The following ZFYVE9 variants were observed in gnomAD, a reference collection of about 807,000 sequenced individuals.
The protein encoded by ZFYVE9 is zinc finger FYVE domain-containing protein 9.
A neutral mutation model predicts 126.7 loss-of-function variants in ZFYVE9; 43 were observed. The ratio of observed to expected loss-of-function variants is 0.34; its 90% confidence interval spans 0.27 to 0.44. ZFYVE9 has a LOEUF of 0.44. Ranked by LOEUF, ZFYVE9 falls within the 20% of genes least tolerant of loss-of-function variation. The pLI, the probability that ZFYVE9 is intolerant of heterozygous loss-of-function variation, is 1.00. For missense variants in ZFYVE9, 1,476 were observed against 1,697.0 expected, an observed-to-expected ratio of 0.87 and a Z score of 2.29; for synonymous variants, 521 against 597.4, an observed-to-expected ratio of 0.87 and a Z score of 1.87.
At chr1:52,267,115 G>T (rs1361972948) in intron 6 of ZFYVE9, among the ~76,000 whole-genome samples, 1 of 152,132 alleles carries the variant, frequency 6.6e-6, no homozygotes, top group Admixed American at 6.5e-5. Context: ...AAAAAGAGGT[G>T]CAGAATTTGA....
chr1:52,155,237 T>TC (rs1286189605), intron 1 of ZFYVE9, among the ~76,000 whole-genome samples: 2 of 131,340 alleles, frequency 1.5e-5, no homozygotes, highest in African/African-American at 7.1e-5. Flanking sequence ...TTTTTTTCTT[T>TC]TTTTTTTTTT....
At chr1:52,223,935 T>C (rs1016165482) in intron 2 of ZFYVE9, among the ~76,000 whole-genome samples, 1 of 152,190 alleles carries the variant, frequency 6.6e-6, no homozygotes, top group Non-Finnish European at 1.5e-5. Flanking sequence ...AGGATAGACA[T>C]TAATTCAGCC....
intron 2 of ZFYVE9, among the ~76,000 whole-genome samples, chr1:52,220,102 T>A (rs771598197): frequency 1.6e-4 from 24 of 152,086 alleles, no homozygotes; most frequent in Non-Finnish European, 2.8e-4. Flanking sequence ...GAGGGGCAGT[T>A]TGGATTCTTA....
intron 10 of ZFYVE9, among the ~76,000 whole-genome samples, chr1:52,285,638 T>TATAG (rs1645851128): frequency 6.6e-6 from 1 of 152,194 alleles, no homozygotes; most frequent in African/African-American, 2.4e-5. Context: ...TGGGACAGTC[T>TATAG]AGTTGCAGGA....
At chr1:52,185,098 A>G (rs1014646239) in intron 1 of ZFYVE9, among the ~76,000 whole-genome samples, 1 of 152,198 alleles carries the variant, frequency 6.6e-6, no homozygotes, top group African/African-American at 2.4e-5. Flanking sequence ...CTGCCTCCGC[A>G]TTGCAGTACT....
intron 1 of ZFYVE9, among the ~76,000 whole-genome samples, chr1:52,186,142 AG>A (rs1644763030): frequency 6.6e-6 from 1 of 150,652 alleles, no homozygotes; most frequent in South Asian, 2.1e-4. Context: ...TGGGAGCCTG[AG>A]GCAGGAGAAT....
intron 8 of ZFYVE9, among the ~76,000 whole-genome samples, chr1:52,274,879 C>T (rs1645730417): frequency 6.6e-6 from 1 of 152,070 alleles, no homozygotes; most frequent in African/African-American, 2.4e-5. Flanking sequence ...TGAAGGATTG[C>T]TTGTGGTTTA....
At chr1:52,258,185 G>C (rs761016487) in intron 4 of ZFYVE9, among the ~76,000 whole-genome samples, 3 of 152,152 alleles carry the variant, frequency 2.0e-5, no homozygotes, top group Non-Finnish European at 4.4e-5. Flanking sequence ...GTGGGGAAAT[G>C]GAGAATAAGT....
intron 1 of ZFYVE9, among the ~76,000 whole-genome samples, chr1:52,154,658 G>A (rs1644385352): frequency 6.6e-6 from 1 of 152,060 alleles, no homozygotes. Context: ...CTCCTTAAAG[G>A]CCTCTAACCA....
At chr1:52,320,197 A>G (rs1646226216) in intron 13 of ZFYVE9, among the ~76,000 whole-genome samples, 1 of 151,692 alleles carries the variant, frequency 6.6e-6, no homozygotes, top group East Asian at 2.0e-4. Flanking sequence ...CATCCTCCCG[A>G]GTACCTGGGA....
intron 1 of ZFYVE9, among the ~76,000 whole-genome samples, chr1:52,187,134 A>G (rs1644772742): frequency 6.6e-6 from 1 of 152,186 alleles, no homozygotes; most frequent in African/African-American, 2.4e-5. Flanking sequence ...AACCAATGGA[A>G]CAGAATAGAG....
At chr1:52,182,539 T>C (rs1462309725) in intron 1 of ZFYVE9, among the ~76,000 whole-genome samples, 1 of 152,194 alleles carries the variant, frequency 6.6e-6, no homozygotes, top group African/African-American at 2.4e-5. Flanking sequence ...GTTAAACAGA[T>C]GCTTGAAGGC....
intron 13 of ZFYVE9, among the ~76,000 whole-genome samples, chr1:52,317,256 T>C (rs1021968025): frequency 6.6e-6 from 1 of 152,104 alleles, no homozygotes; most frequent in Non-Finnish European, 1.5e-5. Flanking sequence ...CGGTGGCTCA[T>C]GCCTGTAATC....
chr1:52,303,290 G>A (rs1016074562), intron 12 of ZFYVE9, among the ~76,000 whole-genome samples: 3 of 152,212 alleles, frequency 2.0e-5, no homozygotes, highest in Non-Finnish European at 2.9e-5. Flanking sequence ...AAGTCCTCAC[G>A]GTGACCTATA....
intron 4 of ZFYVE9, among the ~76,000 whole-genome samples, chr1:52,246,261 A>G (rs1039985744): frequency 6.6e-6 from 1 of 152,202 alleles, no homozygotes; most frequent in East Asian, 1.9e-4. Context: ...CAAATGCCTT[A>G]AATACTATTT....
chr1:52,177,587 G>A (rs1644648092), intron 1 of ZFYVE9, among the ~76,000 whole-genome samples: 1 of 152,222 alleles, frequency 6.6e-6, no homozygotes, highest in African/African-American at 2.4e-5. Context: ...TAAAGGACTA[G>A]TTGGGAAGGC....
intron 1 of ZFYVE9, among the ~76,000 whole-genome samples, chr1:52,195,882 T>A (rs1426806476): frequency 6.6e-6 from 1 of 151,774 alleles, no homozygotes; most frequent in African/African-American, 2.4e-5. Flanking sequence ...AGCCTCCGCA[T>A]CATGGGTTCA....
At chr1:52,311,052 G>T (rs1646132681) in intron 13 of ZFYVE9, among the ~76,000 whole-genome samples, 1 of 152,140 alleles carries the variant, frequency 6.6e-6, no homozygotes, top group East Asian at 1.9e-4. Context: ...TTTTTGTAGA[G>T]ATGAGGTCTT....
chr1:52,198,065 A>G (rs897245507), intron 1 of ZFYVE9, among the ~76,000 whole-genome samples: 5 of 151,062 alleles, frequency 3.3e-5, no homozygotes, highest in Non-Finnish European at 5.9e-5. Context: ...AAGAGCACCT[A>G]TAGGCAGAGA....
Sources: gnomAD v4.1 joint callset for allele counts (sites outside exome capture counted in the v4.1 genomes callset) on GRCh38, gnomAD v4.1.1 for gene constraint, MANE v1.5 for transcripts, NCBI Gene and HGNC (gene_info 2026-07-23, HGNC 2026-07-21) for gene names.